OPCML: variants seen among roughly 807,000 people sequenced by gnomAD.
The protein encoded by OPCML is opioid-binding protein/cell adhesion molecule.
Under a neutral mutation model 37.8 loss-of-function variants are expected in OPCML, and 13 were observed. The observed-to-expected ratio is 0.34, with a 90% confidence interval of 0.22 to 0.55. The LOEUF (loss-of-function observed/expected upper bound fraction) is 0.55. Ranked by LOEUF, OPCML falls within the 20% of genes least tolerant of loss-of-function variation. OPCML has a pLI of 0.91. For synonymous variants in OPCML, 176 were observed against 168.8 expected, an observed-to-expected ratio of 1.04 and a Z score of -0.33; for missense variants, 341 against 435.6, an observed-to-expected ratio of 0.78 and a Z score of 1.93.
At chr11:132,694,570 T>G (rs967940490) in intron 2 of OPCML, among the ~76,000 whole-genome samples, 1 of 152,316 alleles carries the variant, frequency 6.6e-6, no homozygotes, top group Non-Finnish European at 1.5e-5. Flanking sequence ...GTAAAGAAGA[T>G]ATAAAAAATG....
intron 1 of OPCML, among the ~76,000 whole-genome samples, chr11:133,266,301 T>C (rs961691813): frequency 7.9e-5 from 12 of 152,122 alleles, no homozygotes; most frequent in African/African-American, 2.4e-4. Context: ...ATTCTCCTGC[T>C]CATTTTCACT....
chr11:133,497,182 C>G (rs1212599483), intron 1 of OPCML, among the ~76,000 whole-genome samples: 1 of 152,222 alleles, frequency 6.6e-6, no homozygotes, highest in South Asian at 2.1e-4. Context: ...TAATCCCAAA[C>G]TTCTTGGAGT....
intron 2 of OPCML, among the ~76,000 whole-genome samples, chr11:132,897,938 T>C (rs748409758): frequency 2.0e-5 from 3 of 152,150 alleles, no homozygotes; most frequent in Admixed American, 6.5e-5. Flanking sequence ...AAAGATGAGC[T>C]CCACAGAGGA....
intron 2 of OPCML, among the ~76,000 whole-genome samples, chr11:132,808,332 G>T (rs1939136108): frequency 6.6e-6 from 1 of 152,226 alleles, no homozygotes. Flanking sequence ...AGAGCGTTCA[G>T]CAGGAAGACC....
intron 7 of OPCML, among the ~76,000 whole-genome samples, chr11:132,433,138 G>A (rs1307521849): frequency 6.6e-6 from 1 of 152,200 alleles, no homozygotes; most frequent in Non-Finnish European, 1.5e-5. Context: ...AGGGGACTTT[G>A]GAGGAAGGAA....
intron 4 of OPCML, among the ~76,000 whole-genome samples, chr11:132,462,430 G>C (rs576294205): frequency 1.3e-5 from 2 of 152,322 alleles, no homozygotes; most frequent in South Asian, 4.1e-4. Context: ...CTGAGGATTT[G>C]AGCCCCACAC....
At chr11:132,990,566 T>C (rs2136817110) in intron 1 of OPCML, among the ~76,000 whole-genome samples, 1 of 152,326 alleles carries the variant, frequency 6.6e-6, no homozygotes, top group South Asian at 2.1e-4. Context: ...TTTACATTGG[T>C]CACCTAGAAA....
chr11:132,529,895 A>G (rs751428680), intron 3 of OPCML, among the ~76,000 whole-genome samples: 4 of 152,194 alleles, frequency 2.6e-5, no homozygotes, highest in Admixed American at 6.5e-5. Flanking sequence ...TTTAAATGGC[A>G]TCATATCCTA....
intron 1 of OPCML, among the ~76,000 whole-genome samples, chr11:133,525,788 G>A (rs575682222): frequency 6.6e-6 from 1 of 152,300 alleles, no homozygotes; most frequent in Admixed American, 6.5e-5. Context: ...TTTTCTCCAC[G>A]TTGGAGTTCA....
At chr11:133,192,542 G>A (rs759152079) in intron 1 of OPCML, among the ~76,000 whole-genome samples, 3 of 152,254 alleles carry the variant, frequency 2.0e-5, no homozygotes, top group Non-Finnish European at 2.9e-5. Flanking sequence ...TGTTTCCACC[G>A]CTGGTTGCCT....
intron 1 of OPCML, among the ~76,000 whole-genome samples, chr11:133,227,080 AG>A (rs758373512): frequency 1.3e-5 from 2 of 149,744 alleles, no homozygotes; most frequent in Admixed American, 6.6e-5. Flanking sequence ...CCGTCGTGTT[AG>A]GGGGGGGTGC....
At chr11:132,534,669 A>G (rs910727806) in intron 3 of OPCML, among the ~76,000 whole-genome samples, 1 of 152,232 alleles carries the variant, frequency 6.6e-6, no homozygotes, top group Non-Finnish European at 1.5e-5. Flanking sequence ...TCTGAAGTCC[A>G]ATAGACCTGC....
intron 1 of OPCML, among the ~76,000 whole-genome samples, chr11:133,105,411 GT>G (rs1949142157): frequency 6.6e-6 from 1 of 152,134 alleles, no homozygotes; most frequent in African/African-American, 2.4e-5. Context: ...AAAGGTATAG[GT>G]TGATTTAATC....
At chr11:132,739,393 T>A (rs1945365771) in intron 2 of OPCML, among the ~76,000 whole-genome samples, 3 of 152,216 alleles carry the variant, frequency 2.0e-5, no homozygotes, top group Non-Finnish European at 4.4e-5. Flanking sequence ...TCCCAGGCAA[T>A]GAACCTAAGT....
At chr11:133,113,102 T>C (rs1037455035) in intron 1 of OPCML, among the ~76,000 whole-genome samples, 2 of 152,210 alleles carry the variant, frequency 1.3e-5, no homozygotes, top group African/African-American at 4.8e-5. Context: ...TAAAGCCTGG[T>C]GACAGTGCTG....
intron 1 of OPCML, among the ~76,000 whole-genome samples, chr11:132,984,132 A>G (rs1282556331): frequency 6.6e-6 from 1 of 152,222 alleles, no homozygotes; most frequent in Non-Finnish European, 1.5e-5. Flanking sequence ...TCCCAAGGCC[A>G]GAAAGCTTAG....
At chr11:132,627,449 T>C (rs1415448202) in intron 3 of OPCML, among the ~76,000 whole-genome samples, 1 of 152,274 alleles carries the variant, frequency 6.6e-6, no homozygotes, top group Non-Finnish European at 1.5e-5. Context: ...GATATAGAGA[T>C]GCAATGACAT....
rs538587545 is a variant in OPCML at position 133,319,812 on chromosome 11, C to G, written c.61+212452G>C. On this transcript the variant is annotated intron_variant, in intron 1 of 7. Transcript: ENST00000524381. ...GCTTACAGCTGGCAGCTCCTGAGGT[C>G]GCCCTGGAGGAAACACTGAAACAAA... Among the ~76,000 whole-genome samples the G allele has an allele frequency of 6.6e-5, 10 of 152,292 alleles. No individual in the cohort carries two copies. In the South Asian group the frequency reaches 2.1e-3, roughly 32 times the overall value.
At chr11:132,619,262 C>T (rs1004455515) in intron 3 of OPCML, among the ~76,000 whole-genome samples, 10 of 152,166 alleles carry the variant, frequency 6.6e-5, no homozygotes, top group East Asian at 3.9e-4. Flanking sequence ...TCTCATAGCA[C>T]TCCCCATTTC....
Sources: allele counts gnomAD v4.1 joint callset (sites outside exome capture counted in the v4.1 genomes callset), GRCh38; gene constraint gnomAD v4.1.1; transcripts MANE v1.5; gene names NCBI Gene and HGNC (gene_info 2026-07-23, HGNC 2026-07-21).